The following RIF1 variants were observed in gnomAD, a reference collection of about 807,000 sequenced individuals.
RIF1 encodes telomere-associated protein RIF1.
A neutral mutation model predicts 247.1 loss-of-function variants in RIF1; 45 were observed. That is an observed-to-expected ratio of 0.18 (90% CI 0.14 to 0.23). RIF1 has a LOEUF of 0.23. Among genes scored for constraint, RIF1 ranks in the 10% least tolerant of loss-of-function variants. RIF1 has a pLI of 1.00. For missense variants in RIF1, 2,967 were observed against 2,862.5 expected (o/e 1.04, Z -0.83); for synonymous variants, 1,087 against 978.8 (o/e 1.11, Z -2.06).
In RIF1 at chr2:151,464,787, A is replaced by G. The variant is rs752308528; in HGVS notation, c.5267A>G (p.Asp1756Gly). ...LIGLKNTENN[D>G]VEISETKKAD... is the part of the protein sequence containing the mutation. ...GGGTTAAAGAATACAGAAAATAATGACGTAGAGATTAGTGAAACAAAAAAG... is the reference window on the plus strand; with the variant it reads ...GGGTTAAAGAATACAGAAAATAATGGCGTAGAGATTAGTGAAACAAAAAAG... Residue 1756 changes from aspartate to glycine, a missense_variant, in exon 30 of 36, where the codon GAC (aspartate) becomes GGC (glycine). Asp to Gly is a moderately conservative substitution (Grantham distance 94). Around this residue, in one of 7 missense-constraint regions of RIF1, gnomAD observed 2,028 missense variants for 1,825.6 expected, o/e 1.11. Transcript: ENST00000444746. The G allele has an allele frequency of 3.7e-6, 6 of 1,613,970 alleles. No homozygotes were observed. In the Admixed American group the frequency reaches 1.0e-4, roughly 27 times the overall value.
At chr2:151,524,388 C>T in the RIF1 span, 1 of 1,613,992 alleles carries the variant, frequency 6.2e-7, no homozygotes. Flanking sequence ...TGGCTGCCTT[C>T]CTTGCGGTGC....
rs757377473 is a variant in RIF1, at chr2:151,463,769, T to A, written c.4249T>A (p.Ser1417Thr). 2 of 1,613,800 alleles carry A rather than the reference T, an allele frequency of 1.2e-6. No individual in the cohort carries two copies. The highest frequency in any genetic ancestry group is 1.7e-6 in the Non-Finnish European group (2 of 1,179,942). Reference protein sequence around the residue: ...ITPNQKTLRRSSRRRSEVVES... With the variant: ...ITPNQKTLRRTSRRRSEVVES... ...TCCAAATCAGAAAACCCTTAGACGG[T>A]CTTCAAGGCGACGTTCAGAAGTAGT... Residue 1417 changes from serine (S) to threonine (T), a missense_variant, in exon 30 of 36, where the codon TCT (serine) becomes ACT (threonine). Transcript: ENST00000444746.
chr2:151,438,294 T>G (rs1298120560), intron 13 of RIF1, among the ~76,000 whole-genome samples: 2 of 151,910 alleles, frequency 1.3e-5, no homozygotes, highest in South Asian at 2.1e-4. Flanking sequence ...GCCTAGGAAA[T>G]GTAGTGAGAG....
At position 151,465,369 on chromosome 2, in the gene RIF1, A is replaced by G; in HGVS notation, c.5849A>G (p.Asp1950Gly). 1 of 1,613,860 alleles carries G rather than the reference A, an allele frequency of 6.2e-7. No individual in the cohort carries two copies. The highest frequency in any genetic ancestry group is 1.7e-5 in the Admixed American group (1 of 59,976). Reference protein sequence around the residue: ...EAAIEENKRNDDSEADTAKLN... With the variant: ...EAAIEENKRNGDSEADTAKLN... Reference sequence around the variant, plus strand: ...GCAATAGAAGAAAATAAAAGAAATGATGACTCTGAAGCAGACACAGCTAAA... The same window carrying G: ...GCAATAGAAGAAAATAAAAGAAATGGTGACTCTGAAGCAGACACAGCTAAA... The change falls in exon 30 of 36, where the codon GAT becomes GGT. Residue 1950 changes from aspartate (D) to glycine (G), a missense_variant. Physicochemically the swap from Asp to Gly is moderately conservative, Grantham distance 94. This residue lies in a region of RIF1 where 2,028 missense variants were observed against 1,825.6 expected (regional missense o/e 1.11). Coordinates refer to ENST00000444746, the MANE Select transcript of RIF1 (RefSeq NM_018151.5).
chr2:151,497,760 C>T (rs1431207630), intron 10 of RIF1: 1 of 1,551,102 alleles, frequency 6.4e-7, no homozygotes, highest in African/African-American at 1.4e-5. Flanking sequence ...CCATGAGTAA[C>T]ATTTCATTTC....
At chr2:151,429,935 A>AT (rs1181842964) in intron 9 of RIF1, among the ~76,000 whole-genome samples, 4 of 151,774 alleles carry the variant, frequency 2.6e-5, no homozygotes, top group African/African-American at 9.7e-5. Flanking sequence ...TTTATCCTAT[A>AT]TTTTTCCTGC....
At chr2:151,424,739 G>T (rs909796255) in intron 8 of RIF1, among the ~76,000 whole-genome samples, 3 of 148,958 alleles carry the variant, frequency 2.0e-5, no homozygotes, top group Non-Finnish European at 4.4e-5. Context: ...GCACAACCTC[G>T]CTCACTGCAA....
At position 151,464,205 on chromosome 2, in the gene RIF1, AAGG is replaced by A; in HGVS notation, c.4686_4688del (p.Glu1562_Gly1563delinsAsp). On this transcript the variant is annotated inframe_deletion, in exon 30 of 36. Transcript: ENST00000444746. The stretch of plus-strand genomic sequence containing the variant: ...TCTGATAGTTCGGAGGCAAAAGAAG[AAGG>A]TTCTAGGAAGAAGAGATCTGGAAAA... The A allele has an allele frequency of 6.2e-7, 1 of 1,612,476 alleles. No homozygotes were observed. The highest frequency in any genetic ancestry group is 8.5e-7 in the Non-Finnish European group (1 of 1,179,634).
intron 3 of RIF1, among the ~76,000 whole-genome samples, chr2:151,413,662 A>G (rs1348088126): frequency 6.6e-6 from 1 of 152,226 alleles, no homozygotes. Flanking sequence ...TCAAAGTATT[A>G]AGCCTTACTT....
chr2:151,511,094 G>A (rs1273260074), downstream of RIF1, among the ~76,000 whole-genome samples: 2 of 152,200 alleles, frequency 1.3e-5, no homozygotes, highest in Admixed American at 1.3e-4. Context: ...TCCCACACTG[G>A]GATAGGTCCA....
chr2:151,518,446 G>T, the RIF1 span: 1 of 1,394,178 alleles, frequency 7.2e-7, no homozygotes. Context: ...GGCAAAAAAG[G>T]CACATTGATG....
chr2:151,525,934 A>G, the RIF1 span: 1 of 1,581,534 alleles, frequency 6.3e-7, no homozygotes, highest in Non-Finnish European at 8.7e-7. Flanking sequence ...GTTGCTGCCA[A>G]GAGACCGGTG....
the RIF1 span, chr2:151,519,850 AAAG>A: frequency 1.1e-6 from 1 of 877,474 alleles, no homozygotes; most frequent in Non-Finnish European, 1.9e-6. Flanking sequence ...CACAAATGCC[AAAG>A]AATATGCATT....
rs1314118592 is a variant in RIF1 at position 151,482,122 on chromosome 2, C to T, written c.*7051C>T. The T allele has an allele frequency of 6.6e-6, 1 of 152,184 alleles. No homozygotes were observed. Among genetic ancestry groups the T allele is most frequent in the Non-Finnish European group, 1.5e-5 (1 of 68,026 alleles). 9.4% of individuals were successfully genotyped at this position (152,184 alleles called of 1,614,324 possible). A position where few individuals can be genotyped will look rare whatever the true frequency, so the allele number is the denominator to read the frequency against. ...TGCCAATGGAAACTGGATATTGAAA[C>T]ATTTTTTTAAGAAATGCACTTTTAC... On this transcript the variant is annotated 3_prime_UTR_variant, in exon 36 of 36. Coordinates refer to ENST00000444746, the MANE Select transcript of RIF1 (RefSeq NM_018151.5).
At chr2:151,471,839 A>G (rs2048559273) in intron 34 of RIF1, among the ~76,000 whole-genome samples, 2 of 152,066 alleles carry the variant, frequency 1.3e-5, no homozygotes, top group Non-Finnish European at 2.9e-5. Flanking sequence ...CTTCTGATTG[A>G]CTTGGCAATG....
chr2:151,428,350 A>T (rs1266237502), intron 8 of RIF1, among the ~76,000 whole-genome samples: 1 of 152,148 alleles, frequency 6.6e-6, no homozygotes, highest in Non-Finnish European at 1.5e-5. Context: ...ATGTTTCCTT[A>T]ATTTTCCATT....
downstream of RIF1, chr2:151,483,292 G>A (rs577040543): frequency 6.6e-6 from 1 of 152,148 alleles, no homozygotes; most frequent in Admixed American, 6.6e-5. Context: ...ACAAGCAGAT[G>A]GCAGGAAGAT....
At chr2:151,461,954 G>T (rs1696246140) in intron 27 of RIF1, among the ~76,000 whole-genome samples, 2 of 152,000 alleles carry the variant, frequency 1.3e-5, no homozygotes, top group Admixed American at 1.3e-4. Context: ...GCTCACTGCA[G>T]TCTCTGCCTC....
the RIF1 span, chr2:151,530,745 T>G: frequency 8.2e-6 from 3 of 366,300 alleles, no homozygotes; most frequent in Non-Finnish European, 9.8e-6. Context: ...TGGCTAGCCA[T>G]GGGAGTGAGC....
Sources: allele counts gnomAD v4.1 joint callset (sites outside exome capture counted in the v4.1 genomes callset), GRCh38; gene constraint gnomAD v4.1.1; regional missense constraint gnomAD v4.1.1; transcripts MANE v1.5; gene names NCBI Gene and HGNC (gene_info 2026-07-23, HGNC 2026-07-21).